The following GHR variants were observed in gnomAD, a reference collection of about 807,000 sequenced individuals.
GHR encodes growth hormone receptor.
Under a neutral mutation model 67.1 loss-of-function variants are expected in GHR, and 35 were observed. The observed-to-expected ratio is 0.52, with a 90% CI of 0.40 to 0.69. The LOEUF (loss-of-function observed/expected upper bound fraction) is 0.69. Among genes scored for constraint, GHR ranks in the 30% least tolerant of loss-of-function variants. The probability of loss-of-function intolerance (pLI) is 0.00; values close to 1 mark genes in which losing one functional copy is unlikely to be tolerated. For synonymous variants in GHR, 272 were observed against 269.1 expected (o/e 1.01, Z -0.10); for missense variants, 792 against 764.6 (o/e 1.04, Z -0.42).
At chr5:42,465,414 C>A (rs1420979766) in intron 1 of GHR, 4 of 1,508,306 alleles carry the variant, frequency 2.7e-6, no homozygotes, top group Admixed American at 1.7e-5. Flanking sequence ...TTTGCCCAGT[C>A]CTTATTTTGA....
At chr5:42,554,346 A>C (rs1749196436) in intron 1 of GHR, among the ~76,000 whole-genome samples, 1 of 152,200 alleles carries the variant, frequency 6.6e-6, no homozygotes, top group African/African-American at 2.4e-5. Context: ...TCCTACAAAA[A>C]AAAAAAAATT....
At chr5:42,579,084 TA>T (rs1408347781) in intron 2 of GHR, among the ~76,000 whole-genome samples, 2 of 78,412 alleles carry the variant, frequency 2.6e-5, no homozygotes, top group Admixed American at 1.3e-4. Context: ...TATAGATAGA[TA>T]GATAGATAGA....
intron 6 of GHR, among the ~76,000 whole-genome samples, chr5:42,706,357 G>A (rs543162569): frequency 6.6e-6 from 1 of 152,000 alleles, no homozygotes; most frequent in South Asian, 2.1e-4. Flanking sequence ...TGTTTTTTCA[G>A]TTGTTTCTTT....
intron 3 of GHR, among the ~76,000 whole-genome samples, chr5:42,642,050 CAT>C (rs34340018): frequency 0.16 from 23,818 of 151,980 alleles, 2,027 homozygotes; most frequent in African/African-American, 0.17. Context: ...GAGAAGAAAT[CAT>C]ATGTTTTCAG....
chr5:42,609,725 C>G (rs555977309), intron 2 of GHR, among the ~76,000 whole-genome samples: 9 of 152,260 alleles, frequency 5.9e-5, no homozygotes, highest in African/African-American at 2.2e-4. Context: ...TAGGAAGATT[C>G]ATTTCTGCTT....
At chr5:42,661,559 G>A (rs952538734) in intron 3 of GHR, among the ~76,000 whole-genome samples, 8 of 152,210 alleles carry the variant, frequency 5.3e-5, no homozygotes, top group Non-Finnish European at 1.0e-4. Context: ...AATGCTGAGA[G>A]ATTTTGTCAC....
intron 1 of GHR, among the ~76,000 whole-genome samples, chr5:42,552,743 G>A (rs1379311973): frequency 6.6e-6 from 1 of 152,124 alleles, no homozygotes; most frequent in Non-Finnish European, 1.5e-5. Flanking sequence ...AGAATCAGAA[G>A]GTCATTTGAC....
rs539200609 is a variant in GHR, at chr5:42,657,732, G to A, written c.136+28629G>A. Among the ~76,000 whole-genome samples the A allele has an allele frequency of 2.0e-4, 30 of 152,140 alleles. 5 individuals are homozygous for A. The highest frequency in any genetic ancestry group is 7.2e-4 in the African/African-American group (30 of 41,518). On this transcript the variant is annotated intron_variant, in intron 3 of 9. Coordinates refer to ENST00000230882, the MANE Select transcript of GHR (RefSeq NM_000163.5). ...TACTATAAGTCTACAGTAACATACT[G>A]GTGTTTCCCTTTCCTTATGAAGTTT...
intron 1 of GHR, among the ~76,000 whole-genome samples, chr5:42,506,517 G>C (rs954284265): frequency 6.6e-6 from 1 of 152,208 alleles, no homozygotes; most frequent in South Asian, 2.1e-4. Flanking sequence ...ATATTCATTA[G>C]TTCTTTCCAT....
intron 5 of GHR, among the ~76,000 whole-genome samples, chr5:42,696,574 A>G (rs76251230): frequency 0.042 from 6,453 of 152,228 alleles, 191 homozygotes; most frequent in African/African-American, 0.084. Context: ...TTACTTAGTA[A>G]TTACAACAGT....
intron 3 of GHR, among the ~76,000 whole-genome samples, chr5:42,673,038 G>C (rs141033720): frequency 6.6e-6 from 1 of 152,002 alleles, no homozygotes; most frequent in Non-Finnish European, 1.5e-5. Context: ...AATATCTGGC[G>C]TCTGTTAGGA....
In GHR at chr5:42,572,312, CA is replaced by C. The variant is rs1750370989; in HGVS notation, c.70+6372del. On this transcript the variant is annotated intron_variant, in intron 2 of 9. Transcript: ENST00000230882. ...CAGGCAGAGTCACCAGCAGCCACAA[CA>C]AAAGGGTGCACCTTCGTCTTTTCCA... Among the ~76,000 whole-genome samples the C allele has an allele frequency of 3.9e-5, 6 of 152,264 alleles. No individual in the cohort carries two copies. In the South Asian group the frequency reaches 1.2e-3, roughly 32 times the overall value.
intron 3 of GHR, among the ~76,000 whole-genome samples, chr5:42,647,250 G>A (rs537148192): frequency 6.6e-6 from 1 of 152,124 alleles, no homozygotes; most frequent in East Asian, 1.9e-4. Context: ...TTAGCCAATT[G>A]CAACTGAGAG....
chr5:42,606,197 G>A (rs1014561639), intron 2 of GHR, among the ~76,000 whole-genome samples: 2 of 152,110 alleles, frequency 1.3e-5, no homozygotes, highest in African/African-American at 4.8e-5. Context: ...ATTGGATTGA[G>A]CTGGGGGAGA....
rs946968976 is a variant in GHR, at chr5:42,470,862, T to A, written c.-12+46907T>A. Among the ~76,000 whole-genome samples the A allele has an allele frequency of 3.3e-4, 50 of 152,332 alleles. 1 individual carries two copies. Among genetic ancestry groups the A allele is most frequent in the African/African-American group, 1.2e-3 (50 of 41,576 alleles). On this transcript the variant is annotated intron_variant, in intron 1 of 9. Coordinates refer to ENST00000230882, the MANE Select transcript of GHR (RefSeq NM_000163.5). ...AGGAGAGCTGCTTCTGTGACTGCATTGCCTTCCAACCTGCTTTTCCATTTT... is the reference window on the plus strand; with the variant it reads ...AGGAGAGCTGCTTCTGTGACTGCATAGCCTTCCAACCTGCTTTTCCATTTT...
Position 42,711,589 on chromosome 5 carries a change from G to A in GHR, c.784+217G>A, listed in dbSNP as rs142012100. ...CAAATTTTTCATTCAGGAGAAGTCCGGGGGGCAGGTGGAAGTTTAGAGACA... is the reference window on the plus strand; with the variant it reads ...CAAATTTTTCATTCAGGAGAAGTCCAGGGGGCAGGTGGAAGTTTAGAGACA... On this transcript the variant is annotated intron_variant, in intron 7 of 9. Transcript: ENST00000230882. Among the ~76,000 whole-genome samples, 17 of 152,194 alleles carry A rather than the reference G, an allele frequency of 1.1e-4. No individual in the cohort carries two copies. The East Asian group carries it at 2.1e-3, about 19-fold the overall frequency.
chr5:42,536,806 C>T (rs986733285), intron 1 of GHR, among the ~76,000 whole-genome samples: 2 of 151,440 alleles, frequency 1.3e-5, no homozygotes, highest in African/African-American at 4.8e-5. Flanking sequence ...GGCTTTTTGT[C>T]GGTAAGCCTT....
At position 42,685,116 on chromosome 5, in the gene GHR, C is replaced by A. The variant is rs147056614; in HGVS notation, c.137-3774C>A. 1.7e-3 allele frequency among the ~76,000 whole-genome samples: 266 copies of A among 152,128 alleles called. 1 individual carries two copies. Among genetic ancestry groups the A allele is most frequent in the African/African-American group, 6.2e-3 (257 of 41,492 alleles). ...CCAGCCCCACAGCCCTCAACAGGCC[C>A]CAGTGTGTAAAGTTCCCCTCCCTGT... On this transcript the variant is annotated intron_variant, in intron 3 of 9. Coordinates refer to ENST00000230882, the MANE Select transcript of GHR (RefSeq NM_000163.5).
At chr5:42,470,497 A>G (rs1168510096) in intron 1 of GHR, among the ~76,000 whole-genome samples, 1 of 152,130 alleles carries the variant, frequency 6.6e-6, no homozygotes, top group Admixed American at 6.6e-5. Flanking sequence ...CATTTCATCA[A>G]TAACAGTTAT....
Sources: gnomAD v4.1 joint callset for allele counts (sites outside exome capture counted in the v4.1 genomes callset) on GRCh38, gnomAD v4.1.1 for gene constraint, MANE v1.5 for transcripts, NCBI Gene and HGNC (gene_info 2026-07-23, HGNC 2026-07-21) for gene names.